Variants in SLC4A8 observed in about 807,000 individuals in gnomAD.
SLC4A8 encodes electroneutral sodium bicarbonate exchanger 1.
In SLC4A8, 40 loss-of-function variants were observed where a neutral mutation model predicts 125.0. The observed-to-expected ratio is 0.32, with a 90% CI of 0.25 to 0.42. SLC4A8 has a LOEUF of 0.42. Ranked by LOEUF, SLC4A8 falls within the 10% of genes least tolerant of loss-of-function variation. The pLI is 1.00. For synonymous variants in SLC4A8, 456 were observed against 476.0 expected, an observed-to-expected ratio of 0.96 and a Z score of 0.55; for missense variants, 863 against 1,355.1, an observed-to-expected ratio of 0.64 and a Z score of 5.70.
chr12:51,503,375 C>A (rs541557298), intron 22 of SLC4A8, among the ~76,000 whole-genome samples: 12 of 151,062 alleles, frequency 7.9e-5, no homozygotes, highest in South Asian at 2.1e-4. Context: ...CCACACCTGG[C>A]TAATTTTTTA....
At chr12:51,392,581 A>AAAAAG (rs1555183493) in intron 1 of SLC4A8, among the ~76,000 whole-genome samples, 3 of 150,822 alleles carry the variant, frequency 2.0e-5, no homozygotes, top group Admixed American at 1.3e-4. Context: ...CAAAAAAAAA[A>AAAAAG]AAAAAGAAAA....
At chr12:51,470,599 T>C in intron 13 of SLC4A8, 74 bp downstream of exon 13, 1 of 1,365,582 alleles carries the variant, frequency 7.3e-7, no homozygotes, top group South Asian at 1.2e-5. Flanking sequence ...GTCAGGGTTC[T>C]ACTCAGTACA....
chr12:51,403,568 C>T (rs1948433476), intron 1 of SLC4A8, among the ~76,000 whole-genome samples: 1 of 152,200 alleles, frequency 6.6e-6, no homozygotes, highest in South Asian at 2.1e-4. Context: ...CTTGTGTCAA[C>T]TCCCAAAGAA....
chr12:51,425,379 A>T, intron 1 of SLC4A8: 1 of 1,133,062 alleles, frequency 8.8e-7, no homozygotes. Context: ...GTCCTGCCAG[A>T]ACGTGGGCAG....
intron 2 of SLC4A8, among the ~76,000 whole-genome samples, chr12:51,449,854 C>T (rs117070987): frequency 0.018 from 2,712 of 152,166 alleles, 41 homozygotes; most frequent in South Asian, 0.027. Flanking sequence ...CGTGGCGAGA[C>T]CCCATCTCTA....
intron 1 of SLC4A8, among the ~76,000 whole-genome samples, chr12:51,434,181 T>A (rs1045338328): frequency 1.3e-5 from 2 of 152,116 alleles, no homozygotes; most frequent in African/African-American, 4.8e-5. Context: ...GGCCACACAA[T>A]CTTGTTTCAT....
intron 17 of SLC4A8, among the ~76,000 whole-genome samples, chr12:51,486,520 A>G (rs1951165883): frequency 1.3e-5 from 2 of 152,254 alleles, no homozygotes; most frequent in African/African-American, 4.8e-5. Flanking sequence ...AGTCAAACAA[A>G]TGATCAATAC....
intron 22 of SLC4A8, among the ~76,000 whole-genome samples, chr12:51,503,064 G>T (rs1343302641): frequency 6.6e-6 from 1 of 150,918 alleles, no homozygotes; most frequent in Non-Finnish European, 1.5e-5. Context: ...GGGTGGTCTC[G>T]ATCTCCTGAC....
chr12:51,403,575 A>G (rs6580830), intron 1 of SLC4A8, among the ~76,000 whole-genome samples: 38,949 of 152,156 alleles, frequency 0.26, 5,303 homozygotes, highest in Non-Finnish European at 0.31. Context: ...CAACTCCCAA[A>G]GAAGCACCCC....
chr12:51,488,451 T>C (rs1440380135), intron 17 of SLC4A8, among the ~76,000 whole-genome samples: 1 of 152,176 alleles, frequency 6.6e-6, no homozygotes, highest in Non-Finnish European at 1.5e-5. Context: ...AGTTGTTTCT[T>C]TTCTTATCTA....
At chr12:51,496,735 G>C (rs150907866) in intron 21 of SLC4A8, among the ~76,000 whole-genome samples, 1 of 152,282 alleles carries the variant, frequency 6.6e-6, no homozygotes, top group Non-Finnish European at 1.5e-5. Flanking sequence ...CAGATGATGT[G>C]CTCATCTTTT....
chr12:51,499,531 A>G (rs1419299224), intron 22 of SLC4A8, among the ~76,000 whole-genome samples: 1 of 151,868 alleles, frequency 6.6e-6, no homozygotes, highest in Non-Finnish European at 1.5e-5. Context: ...ACAGTCCCTG[A>G]CCGACCACAT....
At chr12:51,397,907 A>T (rs1948295369) in intron 1 of SLC4A8, among the ~76,000 whole-genome samples, 1 of 152,022 alleles carries the variant, frequency 6.6e-6, no homozygotes, top group Non-Finnish European at 1.5e-5. Context: ...GTCTCTATAA[A>T]AAGTACAAAA....
At position 51,489,884 on chromosome 12, in the gene SLC4A8, A is replaced by G; in HGVS notation, c.2633A>G (p.Gln878Arg). ...EQPKFLGIRE[Q>R]RVTGLMIFVL... ...CCCAAGTTCCTGGGCATCCGAGAAC[A>G]GAGAGTGACAGGCCTTATGATCTTT... is the stretch of plus-strand genomic sequence containing the variant. The change falls in exon 19 of 25, where the codon CAG becomes CGG. Residue 878 changes from glutamine to arginine, a missense_variant. Transcript: ENST00000453097. 6.2e-7 allele frequency: 1 copy of G among 1,614,238 alleles called. No individual in the cohort carries two copies. Among genetic ancestry groups the G allele is most frequent in the Non-Finnish European group, 8.5e-7 (1 of 1,180,042 alleles).
At chr12:51,453,726 CA>C in intron 5 of SLC4A8, 27 bp downstream of exon 5, 1 of 1,594,346 alleles carries the variant, frequency 6.3e-7, no homozygotes. Context: ...GAAAACAGAG[CA>C]ACTTTCTTAT....
At chr12:51,503,986 T>C (rs1349806310) in intron 22 of SLC4A8, 43 bp from the exon 23 acceptor site, 3 of 1,100,534 alleles carry the variant, frequency 2.7e-6, no homozygotes, top group Non-Finnish European at 4.0e-6. Flanking sequence ...GAACTTATGG[T>C]CTTACTTGGT....
chr12:51,474,532 T>C lies in SLC4A8; in HGVS notation c.2010+85T>C, dbSNP rs760691601. The C allele has an allele frequency of 5.0e-5, 76 of 1,521,492 alleles. No individual in the cohort carries two copies. The South Asian group carries it at 9.1e-4, about 18-fold the overall frequency. The allele number at this position is 1,521,492 out of a possible 1,614,324, so 94.2% of individuals were successfully genotyped here. On this transcript the variant is annotated intron_variant, in intron 15 of 24. Transcript: ENST00000453097. ...TAAGTGAAGGGGAGGAGTAGCCCTTTGGCCAAACTCTGGCATTTACCGAAA... is the reference window on the plus strand; with the variant it reads ...TAAGTGAAGGGGAGGAGTAGCCCTTCGGCCAAACTCTGGCATTTACCGAAA...
rs758837253 is a variant in SLC4A8 at position 51,470,376 on chromosome 12, C to CT, written c.1525-9dup. 9.3e-6 allele frequency: 15 copies of CT among 1,613,062 alleles called. No homozygotes were observed. In the Admixed American group the frequency reaches 2.0e-4, roughly 22 times the overall value. On this transcript the variant is annotated splice_polypyrimidine_tract_variant and intron_variant, in intron 12 of 24. Transcript: ENST00000453097. ...TGATGGGCTATGGACTCAGTGATGA[C>CT]TTTTTTTCCTCTCAGAGTGCAATTG...
chr12:51,424,695 G>A (rs2138023557), upstream of SLC4A8: 1 of 434,206 alleles, frequency 2.3e-6, no homozygotes, highest in South Asian at 3.6e-5. Context: ...AAGGCAACCG[G>A]GCCCGGGAGC....
Sources: allele counts gnomAD v4.1 joint callset (sites outside exome capture counted in the v4.1 genomes callset), GRCh38; gene constraint gnomAD v4.1.1; transcripts MANE v1.5; gene names NCBI Gene and HGNC (gene_info 2026-07-23, HGNC 2026-07-21).